RNF17: variants seen among roughly 807,000 people sequenced by gnomAD.
RNF17 encodes the protein spermatogenesis associated 23.
In RNF17, 31 loss-of-function variants were observed where a neutral mutation model predicts 200.5. The observed-to-expected ratio is 0.15, with a 90% CI of 0.12 to 0.21. The LOEUF (loss-of-function observed/expected upper bound fraction) is 0.21, where lower values mean the gene tolerates loss of function less well. Among genes scored for constraint, RNF17 ranks in the 10% least tolerant of loss-of-function variants. The pLI is 1.00. For synonymous variants in RNF17, 606 were observed against 637.8 expected (o/e 0.95, Z 0.75); for missense variants, 1,628 against 1,905.1 (o/e 0.85, Z 2.71).
intron 25 of RNF17, among the ~76,000 whole-genome samples, chr13:24,855,720 G>A (rs529558305): frequency 6.6e-6 from 1 of 152,074 alleles, no homozygotes; most frequent in Non-Finnish European, 1.5e-5. Context: ...CACTACCAGT[G>A]CATGAAGAGT....
At chr13:24,886,353 A>T in the RNF17 span, 66 of 1,289,258 alleles carry the variant, frequency 5.1e-5, no homozygotes, top group Admixed American at 5.3e-4. Context: ...TCAGCCAACA[A>T]GCTGCTGGGC....
intron 15 of RNF17, among the ~76,000 whole-genome samples, chr13:24,818,504 G>T (rs536450335): frequency 4.6e-5 from 7 of 152,090 alleles, no homozygotes; most frequent in African/African-American, 1.7e-4. Flanking sequence ...TTTTATTATT[G>T]AACTGTCTAT....
In RNF17 at chr13:24,780,578, A is replaced by G. The variant is rs952450727; in HGVS notation, c.510+831A>G. On this transcript the variant is annotated intron_variant, in intron 5 of 35. Coordinates refer to ENST00000255324, the MANE Select transcript of RNF17 (RefSeq NM_031277.3). ...TTTAACCCATTCCAGCATCAATTGTAAATATAAAAATCTCACCTTCTGGGC... is the reference window on the plus strand; with the variant it reads ...TTTAACCCATTCCAGCATCAATTGTGAATATAAAAATCTCACCTTCTGGGC... Among the ~76,000 whole-genome samples, 7 of 152,266 alleles carry G rather than the reference A, an allele frequency of 4.6e-5. No individual in the cohort carries two copies. The South Asian group carries it at 6.2e-4, about 14-fold the overall frequency.
chr13:24,771,964 A>G (rs60865093), intron 2 of RNF17, among the ~76,000 whole-genome samples: 6,669 of 152,156 alleles, frequency 0.044, 455 homozygotes, highest in African/African-American at 0.15. Context: ...AGATCGCACT[A>G]TTGCACTCCA....
At position 24,808,744 on chromosome 13, in the gene RNF17, C is replaced by T. The variant is rs1397065586; in HGVS notation, c.2091+4315C>T. Among the ~76,000 whole-genome samples the T allele has an allele frequency of 7.6e-5, 6 of 79,202 alleles. No individual in the cohort carries two copies. The East Asian group carries it at 2.0e-3, about 26-fold the overall frequency. 52.0% of individuals were successfully genotyped at this position (79,202 alleles called of 152,430 possible). On this transcript the variant is annotated intron_variant, in intron 15 of 35. Transcript: ENST00000255324. The stretch of plus-strand genomic sequence containing the variant: ...TGCCAGTTTTCAAAGGGAATGCTTC[C>T]AGTTTTTGCCCATTCAGTATGATAT...
At chr13:24,815,656 A>C (rs1041363461) in intron 15 of RNF17, among the ~76,000 whole-genome samples, 5 of 152,204 alleles carry the variant, frequency 3.3e-5, no homozygotes, top group African/African-American at 1.2e-4. Flanking sequence ...TCCTGTCTTA[A>C]GGGAAAAGCG....
Position 24,788,093 on chromosome 13 carries a change from A to G in RNF17, c.717A>G (p.Ala239=). The G allele has an allele frequency of 6.3e-7, 1 of 1,596,882 alleles. No homozygotes were observed. Among genetic ancestry groups the G allele is most frequent in the Non-Finnish European group, 8.5e-7 (1 of 1,174,894 alleles). Residue 239 remains alanine, a synonymous_variant, in exon 7 of 36, where the codon GCA becomes GCG. Coordinates refer to ENST00000255324, the MANE Select transcript of RNF17 (RefSeq NM_031277.3). ...AAGAGAAAAAAAATAATTTGAATGC[A>G]GCTATGAACATAGCAAGAGCATTAC... ...YIEEKKNNLN[A]AMNIARALQL...
At chr13:24,884,400 CTTCCT>C (rs1373921936), downstream of RNF17, 14 of 1,614,020 alleles carry the variant, frequency 8.7e-6, no homozygotes, top group Admixed American at 5.0e-5. Flanking sequence ...TCTGCACTCA[CTTCCT>C]TTCGAGTTCC....
intron 8 of RNF17, 41 bp downstream of exon 8, chr13:24,789,465 G>T: frequency 7.4e-7 from 1 of 1,351,252 alleles, no homozygotes; most frequent in East Asian, 2.3e-5. Context: ...CAAGTATAAA[G>T]ATGTGCTGGA....
rs544801700 is a variant in RNF17 at position 24,796,220 on chromosome 13, A to C, written c.1324A>C (p.Lys442Gln). Residue 442 changes from lysine to glutamine, a missense_variant, in exon 11 of 36, where the codon AAA becomes CAA. Physicochemically the swap from Lys to Gln is moderately conservative, Grantham distance 53 (BLOSUM62 1). This residue lies in a region of RNF17 where 289 missense variants were observed against 384.9 expected (regional missense o/e 0.75). Coordinates refer to ENST00000255324, the MANE Select transcript of RNF17 (RefSeq NM_031277.3). ...IRKYSQIKDA[K>Q]VLEKKVNEFC... ...GAAGTATTCACAAATAAAAGACGCC[A>C]AAGTACTGGAGAAGAAGGTGAATGA... is the stretch of plus-strand genomic sequence containing the variant. 6.2e-7 allele frequency: 1 copy of C among 1,612,748 alleles called. No homozygotes were observed. The highest frequency in any genetic ancestry group is 1.3e-5 in the African/African-American group (1 of 75,028).
Position 24,847,484 on chromosome 13 carries a change from T to C in RNF17, c.3101+2405T>C, listed in dbSNP as rs144193334. Among the ~76,000 whole-genome samples the C allele has an allele frequency of 7.0e-3, 1,063 of 152,048 alleles. 22 individuals carry two copies. The highest frequency in any genetic ancestry group is 0.024 in the African/African-American group (1,016 of 41,474). ...CCTCAGCCTCCCGAGTAGCTGGAATTACAGGCGTGCACCACCATGCCCGGC... is the reference window on the plus strand; with the variant it reads ...CCTCAGCCTCCCGAGTAGCTGGAATCACAGGCGTGCACCACCATGCCCGGC... On this transcript the variant is annotated intron_variant, in intron 22 of 35. Coordinates refer to ENST00000255324, the MANE Select transcript of RNF17 (RefSeq NM_031277.3).
intron 31 of RNF17, 33 bp downstream of exon 31, chr13:24,868,749 A>G: frequency 9.0e-7 from 1 of 1,109,604 alleles, no homozygotes; most frequent in African/African-American, 1.5e-5. Context: ...TGGTGATTAA[A>G]AATGTAACAA....
At chr13:24,859,524 G>A (rs566279245) in intron 26 of RNF17, among the ~76,000 whole-genome samples, 14 of 151,938 alleles carry the variant, frequency 9.2e-5, no homozygotes, top group Admixed American at 2.6e-4. Flanking sequence ...TCAGGATAAC[G>A]ACTAATTTAC....
chr13:24,848,031 A>G (rs1891445658), intron 22 of RNF17, among the ~76,000 whole-genome samples: 1 of 152,216 alleles, frequency 6.6e-6, no homozygotes, highest in African/African-American at 2.4e-5. Flanking sequence ...AAGCCTAATA[A>G]TAGCTAACCT....
chr13:24,787,931 CTT>C (rs2137611811), intron 6 of RNF17, 55 bp from the exon 7 acceptor site: 1 of 1,381,980 alleles, frequency 7.2e-7, no homozygotes, highest in Non-Finnish European at 9.7e-7. Flanking sequence ...TATAGATCGA[CTT>C]TTTCTATAAA....
chr13:24,857,639 C>A (rs1985445), intron 25 of RNF17, among the ~76,000 whole-genome samples: 1 of 152,126 alleles, frequency 6.6e-6, no homozygotes, highest in Non-Finnish European at 1.5e-5. Flanking sequence ...CGGTGGCTTA[C>A]GCCTGTAATC....
chr13:24,761,940 T>C (rs1878779354), upstream of RNF17, among the ~76,000 whole-genome samples: 1 of 152,154 alleles, frequency 6.6e-6, no homozygotes, highest in Non-Finnish European at 1.5e-5. Context: ...TGCAATGAGA[T>C]TGTCATTATT....
intron 3 of RNF17, among the ~76,000 whole-genome samples, chr13:24,777,679 G>A (rs1281604969): frequency 6.6e-6 from 1 of 151,992 alleles, no homozygotes; most frequent in Non-Finnish European, 1.5e-5. Flanking sequence ...TAATTGGTGA[G>A]CTTATCACAT....
intron 24 of RNF17, among the ~76,000 whole-genome samples, chr13:24,853,388 T>C (rs1892145568): frequency 6.6e-6 from 1 of 152,178 alleles, no homozygotes; most frequent in African/African-American, 2.4e-5. Context: ...TGAGTAAATA[T>C]AGCATATTAC....
Sources: gnomAD v4.1 joint callset for allele counts (sites outside exome capture counted in the v4.1 genomes callset) on GRCh38, gnomAD v4.1.1 for gene constraint, gnomAD v4.1.1 regional missense constraint, MANE v1.5 for transcripts, NCBI Gene and HGNC (gene_info 2026-07-23, HGNC 2026-07-21) for gene names.